Variants in NBDY observed in about 807,000 individuals in gnomAD.
NBDY encodes the protein negative regulator of P-body association, also known as P-body dissociating protein.
At chrX:56,756,323 G>C (rs1285199116) in intron 2 of NBDY, among the ~76,000 whole-genome samples, 2 of 107,744 alleles carry the variant, frequency 1.9e-5, no homozygotes, top group Non-Finnish European at 3.8e-5. Flanking sequence ...ATAATAAAAT[G>C]GTTAAATTTA....
At chrX:56,799,947 G>T (rs1231133783) in intron 2 of NBDY, among the ~76,000 whole-genome samples, 1 of 109,684 alleles carries the variant, frequency 9.1e-6, no homozygotes, top group African/African-American at 3.3e-5. Flanking sequence ...CTCAAGAAAT[G>T]CTATGCTTTT....
At chrX:56,814,661 T>A (rs893415191) in intron 2 of NBDY, among the ~76,000 whole-genome samples, 4 of 109,735 alleles carry the variant, frequency 3.6e-5, no homozygotes, top group Non-Finnish European at 5.7e-5. Flanking sequence ...CCCAGCTGAT[T>A]TTTTGGTACT....
chrX:56,812,304 A>G (rs2069891263), intron 2 of NBDY, among the ~76,000 whole-genome samples: 1 of 110,271 alleles, frequency 9.1e-6, no homozygotes, highest in Non-Finnish European at 1.9e-5. Context: ...TAGGGAGAAC[A>G]TGCTTACTTT....
chrX:56,795,323 C>T (rs1318568439), intron 2 of NBDY, among the ~76,000 whole-genome samples: 1 of 111,787 alleles, frequency 8.9e-6, no homozygotes, highest in Admixed American at 9.4e-5. Flanking sequence ...ATGAGATGGT[C>T]GAGGACAAAT....
At chrX:56,786,812 C>T (rs969890950) in intron 2 of NBDY, among the ~76,000 whole-genome samples, 17 of 110,934 alleles carry the variant, frequency 1.5e-4, no homozygotes, top group Admixed American at 3.8e-4. Flanking sequence ...GTGTGATGTT[C>T]CTCTGCAACA....
intron 2 of NBDY, among the ~76,000 whole-genome samples, chrX:56,755,211 A>G (rs2069603762): frequency 1.8e-5 from 2 of 112,326 alleles, no homozygotes; most frequent in South Asian, 7.4e-4. Flanking sequence ...AGGCAATACC[A>G]TTCACGACAT....
chrX:56,736,846 AT>A (rs766711888), intron 2 of NBDY, among the ~76,000 whole-genome samples: 1 of 112,226 alleles, frequency 8.9e-6, no homozygotes, highest in South Asian at 3.7e-4. Context: ...AATCAAATCT[AT>A]TTGGATAGCA....
intron 2 of NBDY, among the ~76,000 whole-genome samples, chrX:56,745,767 A>T (rs1602651402): frequency 9.2e-6 from 1 of 108,748 alleles, no homozygotes; most frequent in African/African-American, 3.4e-5. Flanking sequence ...TGACGTTGCC[A>T]TTTTTGATGA....
intron 2 of NBDY, among the ~76,000 whole-genome samples, chrX:56,813,441 TCTCA>T (rs2069896668): frequency 9.1e-6 from 1 of 110,399 alleles, no homozygotes; most frequent in Non-Finnish European, 1.9e-5. Context: ...ATTTTCCCAC[TCTCA>T]CTCACACAGG....
chrX:56,781,444 C>T (rs1245451572), intron 2 of NBDY, among the ~76,000 whole-genome samples: 4 of 111,765 alleles, frequency 3.6e-5, no homozygotes, highest in African/African-American at 1.3e-4. Flanking sequence ...AGACGCGGTA[C>T]AGACCCGGGA....
intron 2 of NBDY, among the ~76,000 whole-genome samples, chrX:56,789,821 TTA>T (rs1173622098): frequency 9.0e-6 from 1 of 111,576 alleles, no homozygotes; most frequent in Non-Finnish European, 1.9e-5. Context: ...GGTTCACCAG[TTA>T]TTTGCCTTGG....
Position 56,790,213 on chromosome X carries a change from T to C in NBDY, c.*167-27107T>C, listed in dbSNP as rs1482377833. Among the ~76,000 whole-genome samples, 5 of 112,811 alleles carry C rather than the reference T, an allele frequency of 4.4e-5. No individual in the cohort carries two copies. In the Admixed American group the frequency reaches 4.7e-4, roughly 11 times the overall value. Reference sequence around the variant, plus strand: ...TACATATGCTACCCATGCTGCTTGATGCCTGGGCAGCAGTATGGAACACAC... The same window carrying C: ...TACATATGCTACCCATGCTGCTTGACGCCTGGGCAGCAGTATGGAACACAC... On this transcript the variant is annotated intron_variant, in intron 2 of 2. Coordinates refer to ENST00000374922, the MANE Select transcript of NBDY (RefSeq NM_001348129.2).
At chrX:56,737,081 G>T (rs1230579662) in intron 2 of NBDY, among the ~76,000 whole-genome samples, 1 of 111,627 alleles carries the variant, frequency 9.0e-6, no homozygotes, top group Non-Finnish European at 1.9e-5. Context: ...AACAGTAAAT[G>T]GATTCAGTAG....
rs1386971243 is a variant in NBDY, at chrX:56,818,369, A to T, written c.*1216A>T. 8.9e-6 allele frequency: 1 copy of T among 112,230 alleles called. No homozygotes were observed. The highest frequency in any genetic ancestry group is 1.9e-5 in the Non-Finnish European group (1 of 53,203). The allele number at this position is 112,230 out of a possible 1,213,427, so 9.2% of individuals were successfully genotyped here. A position where few individuals can be genotyped will look rare whatever the true frequency, so the allele number is the denominator to read the frequency against. ...CCTAGCATCAGAATTAAAGAATCTGAAAAATCACAAATGGAGGTATGGTGA... is the reference window on the plus strand; with the variant it reads ...CCTAGCATCAGAATTAAAGAATCTGTAAAATCACAAATGGAGGTATGGTGA... On this transcript the variant is annotated 3_prime_UTR_variant, in exon 3 of 3. Transcript: ENST00000374922.
chrX:56,736,568 T>C (rs1168027352), intron 2 of NBDY, among the ~76,000 whole-genome samples: 1 of 112,770 alleles, frequency 8.9e-6, no homozygotes, highest in Admixed American at 9.3e-5. Flanking sequence ...GCCCGGCCAA[T>C]GATTCTAATT....
chrX:56,761,308 G>A (rs989041549), intron 2 of NBDY, among the ~76,000 whole-genome samples: 6 of 112,818 alleles, frequency 5.3e-5, no homozygotes, highest in African/African-American at 3.2e-5. Flanking sequence ...TCAGCTTCCC[G>A]GTTCCATCTT....
At chrX:56,754,253 C>T (rs1458050141) in intron 2 of NBDY, among the ~76,000 whole-genome samples, 1 of 111,220 alleles carries the variant, frequency 9.0e-6, no homozygotes, top group Admixed American at 9.5e-5. Flanking sequence ...ACTTAAATAC[C>T]TTACTTTCAA....
intron 2 of NBDY, among the ~76,000 whole-genome samples, chrX:56,765,376 G>A (rs2069660410): frequency 8.9e-6 from 1 of 112,491 alleles, no homozygotes; most frequent in Non-Finnish European, 1.9e-5. Context: ...GCCCCTTGCA[G>A]TCAGCTGATG....
At chrX:56,733,978 A>C (rs1440350440) in intron 2 of NBDY, among the ~76,000 whole-genome samples, 1 of 112,550 alleles carries the variant, frequency 8.9e-6, no homozygotes, top group Admixed American at 9.4e-5. Context: ...TTTTATTCTT[A>C]CTGCTGAATC....
Sources: allele counts gnomAD v4.1 joint callset (sites outside exome capture counted in the v4.1 genomes callset), GRCh38; gene constraint gnomAD v4.1.1; transcripts MANE v1.5; gene names NCBI Gene and HGNC (gene_info 2026-07-23, HGNC 2026-07-21).